RBMS3: variants seen among roughly 807,000 people sequenced by gnomAD.
RBMS3 encodes RNA binding motif single stranded interacting protein 3.
In RBMS3, 27 loss-of-function variants were observed where a neutral mutation model predicts 66.8. That is an observed-to-expected ratio of 0.40 (90% confidence interval 0.30 to 0.56). The LOEUF is 0.56. RBMS3 is among the 20% of genes least tolerant of loss of function. The pLI is 0.40. For missense variants in RBMS3, 513 were observed against 549.5 expected (o/e 0.93, Z 0.66); for synonymous variants, 188 against 183.0 (o/e 1.03, Z -0.22).
intron 1 of RBMS3, among the ~76,000 whole-genome samples, chr3:29,384,426 T>TAAGAAGAAGAAGAAGAAGAAGAAG (rs1260902457): frequency 1.0e-3 from 93 of 93,428 alleles, no homozygotes; most frequent in African/African-American, 3.4e-3. Flanking sequence ...CCAATAATAA[T>TAAGAAGAAGAAGAAGAAGAAGAAG]AATAATAATA....
intron 6 of RBMS3, among the ~76,000 whole-genome samples, chr3:29,832,552 T>C (rs2058399271): frequency 1.3e-5 from 2 of 152,092 alleles, no homozygotes. Context: ...CATAGCTCAG[T>C]GACAAGAGAG....
intron 6 of RBMS3, among the ~76,000 whole-genome samples, chr3:29,821,740 T>C (rs1212730898): frequency 6.6e-6 from 1 of 152,188 alleles, no homozygotes; most frequent in East Asian, 1.9e-4. Context: ...AGCCGAAATG[T>C]AGGCTAACAA....
At chr3:29,718,405 C>T (rs1280876553) in intron 4 of RBMS3, among the ~76,000 whole-genome samples, 1 of 151,664 alleles carries the variant, frequency 6.6e-6, no homozygotes, top group African/African-American at 2.4e-5. Flanking sequence ...TCCATGAAAA[C>T]AGAAGTAAAG....
intron 12 of RBMS3, among the ~76,000 whole-genome samples, chr3:29,967,497 A>T (rs1014286328): frequency 1.3e-5 from 2 of 152,056 alleles, no homozygotes; most frequent in African/African-American, 4.8e-5. Context: ...GGATTTCACC[A>T]TGTTAGCCAG....
intron 6 of RBMS3, among the ~76,000 whole-genome samples, chr3:29,784,064 C>T (rs1215539673): frequency 6.6e-6 from 1 of 152,054 alleles, no homozygotes; most frequent in Admixed American, 6.6e-5. Flanking sequence ...ACTACTAGAT[C>T]TAAGACATGA....
chr3:29,592,315 A>G (rs539535834), intron 4 of RBMS3, among the ~76,000 whole-genome samples: 3 of 152,242 alleles, frequency 2.0e-5, no homozygotes, highest in South Asian at 4.1e-4. Flanking sequence ...TACAAGAAAA[A>G]ACCAAACAAC....
chr3:29,874,400 G>A (rs935924285), intron 7 of RBMS3, among the ~76,000 whole-genome samples: 1 of 152,020 alleles, frequency 6.6e-6, no homozygotes, highest in Non-Finnish European at 1.5e-5. Flanking sequence ...CCAAGGTAAG[G>A]GCATCATCTA....
intron 3 of RBMS3, among the ~76,000 whole-genome samples, chr3:29,532,486 T>C (rs1424167835): frequency 6.6e-6 from 1 of 151,792 alleles, no homozygotes; most frequent in Non-Finnish European, 1.5e-5. Context: ...AAATTTTGAT[T>C]GGAAAAAGTT....
At chr3:29,993,646 T>A (rs954792571) in intron 14 of RBMS3, among the ~76,000 whole-genome samples, 1 of 152,206 alleles carries the variant, frequency 6.6e-6, no homozygotes, top group African/African-American at 2.4e-5. Context: ...GGAACTCCTG[T>A]TACTTGACTG....
chr3:29,978,175 A>T (rs1697722774), intron 12 of RBMS3, among the ~76,000 whole-genome samples: 1 of 152,170 alleles, frequency 6.6e-6, no homozygotes, highest in South Asian at 2.1e-4. Flanking sequence ...GTTCAGAGTT[A>T]TTTGTCACCA....
chr3:29,856,784 G>A (rs557249019), intron 6 of RBMS3, among the ~76,000 whole-genome samples: 9 of 152,208 alleles, frequency 5.9e-5, no homozygotes, highest in Admixed American at 2.6e-4. Flanking sequence ...CTTCATAGGC[G>A]ACGTCGTTGC....
intron 5 of RBMS3, among the ~76,000 whole-genome samples, chr3:29,744,551 A>G (rs2054791637): frequency 6.6e-6 from 1 of 152,178 alleles, no homozygotes; most frequent in Non-Finnish European, 1.5e-5. Flanking sequence ...TGGGAGGCCA[A>G]GGCAGGCAGA....
intron 2 of RBMS3, among the ~76,000 whole-genome samples, chr3:29,440,920 C>T (rs2041595107): frequency 6.6e-6 from 1 of 152,018 alleles, no homozygotes; most frequent in South Asian, 2.1e-4. Flanking sequence ...TCAGATACAA[C>T]TAAAGGAAAA....
At chr3:29,896,681 T>A (rs1403758744) in intron 8 of RBMS3, among the ~76,000 whole-genome samples, 1 of 151,562 alleles carries the variant, frequency 6.6e-6, no homozygotes, top group Non-Finnish European at 1.5e-5. Flanking sequence ...CTTTAATAGA[T>A]CTCCAGGAGA....
At chr3:29,664,699 AT>A (rs200362939) in intron 4 of RBMS3, among the ~76,000 whole-genome samples, 1 of 151,390 alleles carries the variant, frequency 6.6e-6, no homozygotes, top group East Asian at 1.9e-4. Flanking sequence ...AAAGTACTTT[AT>A]TTTTTTTAGA....
At chr3:29,929,130 T>A (rs557059334) in intron 10 of RBMS3, among the ~76,000 whole-genome samples, 1 of 152,292 alleles carries the variant, frequency 6.6e-6, no homozygotes, top group African/African-American at 2.4e-5. Flanking sequence ...AGTGTACAAG[T>A]TTAATGACAA....
chr3:29,688,562 GGA>G (rs1167101264), intron 4 of RBMS3, among the ~76,000 whole-genome samples: 2 of 125,054 alleles, frequency 1.6e-5, no homozygotes, highest in Non-Finnish European at 3.2e-5. Context: ...AAAAGTTACA[GGA>G]TTTTTTTTTT....
intron 4 of RBMS3, among the ~76,000 whole-genome samples, chr3:29,623,614 A>G (rs1311590276): frequency 6.6e-6 from 1 of 152,050 alleles, no homozygotes; most frequent in Non-Finnish European, 1.5e-5. Context: ...AAAAAGGTAT[A>G]AAAGTCATTT....
intron 6 of RBMS3, among the ~76,000 whole-genome samples, chr3:29,813,438 G>C (rs1242854062): frequency 1.3e-5 from 2 of 152,066 alleles, no homozygotes; most frequent in Non-Finnish European, 2.9e-5. Context: ...ATCTCTTTTG[G>C]CTTAGGATTG....
Sources: allele counts gnomAD v4.1 joint callset (sites outside exome capture counted in the v4.1 genomes callset), GRCh38; gene constraint gnomAD v4.1.1; transcripts MANE v1.5; gene names NCBI Gene and HGNC (gene_info 2026-07-23, HGNC 2026-07-21).